Variants in CSMD2 observed in about 807,000 individuals in gnomAD.
CSMD2 encodes CUB and sushi domain-containing protein 2.
CSMD2 carries 130 observed loss-of-function variants against 398.5 expected under a neutral mutation model. The ratio of observed to expected loss-of-function variants is 0.33; its 90% CI spans 0.28 to 0.38. CSMD2 has a LOEUF of 0.38. CSMD2 is among the 10% of genes least tolerant of loss of function. The probability of loss-of-function intolerance (pLI) is 1.00; values close to 1 mark genes in which losing one functional copy is unlikely to be tolerated. For missense variants in CSMD2, 3,829 were observed against 4,764.9 expected, an observed-to-expected ratio of 0.80 and a Z score of 5.78; for synonymous variants, 1,828 against 1,908.5, an observed-to-expected ratio of 0.96 and a Z score of 1.10.
At chr1:34,106,520 T>C (rs1198176252) in intron 1 of CSMD2, among the ~76,000 whole-genome samples, 1 of 152,156 alleles carries the variant, frequency 6.6e-6, no homozygotes, top group Non-Finnish European at 1.5e-5. Context: ...ACCCAGGCTC[T>C]CAACCCTACC....
chr1:33,537,313 T>C lies in CSMD2; in HGVS notation c.9805+123A>G. 2 of 1,196,904 alleles carry C rather than the reference T, an allele frequency of 1.7e-6. No individual in the cohort carries two copies. The highest frequency in any genetic ancestry group is 2.4e-6 in the Non-Finnish European group (2 of 835,970). 74.1% of individuals were successfully genotyped at this position (1,196,904 alleles called of 1,614,324 possible). A position where few individuals can be genotyped will look rare whatever the true frequency, so the allele number is the denominator to read the frequency against. ...CATCCTGCTGCAGAAGCTCAGAGGA[T>C]GAGATGTTCCCTTTTGCAGATGAGA... On this transcript the variant is annotated intron_variant, in intron 61 of 70. Transcript: ENST00000373381. This position sits in a 1 kb window ranked among gnomAD's most constrained non-coding sequence, Gnocchi z 4.6.
chr1:33,892,332 T>C (rs1642080796), intron 5 of CSMD2, among the ~76,000 whole-genome samples: 1 of 152,194 alleles, frequency 6.6e-6, no homozygotes, highest in Non-Finnish European at 1.5e-5. Flanking sequence ...TTATTTTTCA[T>C]TTCAATAGTT....
chr1:33,771,767 G>A (rs528384510), intron 13 of CSMD2, among the ~76,000 whole-genome samples: 83 of 152,262 alleles, frequency 5.5e-4, no homozygotes, highest in African/African-American at 1.9e-3. Context: ...GCCTTTCCCT[G>A]AGAGAAGCAC....
Position 33,698,874 on chromosome 1 carries a change from A to C in CSMD2, c.3804T>G (p.His1268Gln). ...KFGYKVHDEG[H>Q]FAGSSVSFSC... Reference sequence around the variant, plus strand: ...TGAAGGACACGGAGCTCCCTGCAAAATGACCTTCATCATGAACCTTGTAGC... The same window carrying C: ...TGAAGGACACGGAGCTCCCTGCAAACTGACCTTCATCATGAACCTTGTAGC... Residue 1268 changes from histidine (H) to glutamine (Q), a missense_variant, in exon 24 of 71, where the codon CAT becomes CAG. Around this residue, in one of 5 missense-constraint regions of CSMD2, gnomAD observed 2,001 missense variants for 2,567.1 expected, o/e 0.78. Coordinates refer to ENST00000373381, the MANE Select transcript of CSMD2 (RefSeq NM_001281956.2). 1 of 1,614,192 alleles carries C rather than the reference A, an allele frequency of 6.2e-7. No homozygotes were observed. Among genetic ancestry groups the C allele is most frequent in the Non-Finnish European group, 8.5e-7 (1 of 1,180,018 alleles).
intron 10 of CSMD2, among the ~76,000 whole-genome samples, chr1:33,795,541 T>A (rs1159484217): frequency 6.6e-6 from 1 of 152,204 alleles, no homozygotes; most frequent in African/African-American, 2.4e-5. Flanking sequence ...GGGCAGCCTA[T>A]TCATGACCCT....
chr1:33,819,232 G>C lies in CSMD2; in HGVS notation c.1324+481C>G, dbSNP rs565973667. 3.3e-5 allele frequency among the ~76,000 whole-genome samples: 5 copies of C among 152,306 alleles called. No individual in the cohort carries two copies. The South Asian group carries it at 1.0e-3, about 32-fold the overall frequency. ...AGGGCCCTGGGGAACAAAACACCCA[G>C]ATAGGGGGTTAGAAGCATGTCATCA... On this transcript the variant is annotated intron_variant, in intron 9 of 70. Coordinates refer to ENST00000373381, the MANE Select transcript of CSMD2 (RefSeq NM_001281956.2).
intron 50 of CSMD2, among the ~76,000 whole-genome samples, chr1:33,572,234 C>T (rs1237448242): frequency 6.6e-6 from 1 of 152,166 alleles, no homozygotes; most frequent in Non-Finnish European, 1.5e-5. Context: ...TTCATGCAAA[C>T]TTTCTGACAG....
Position 33,766,197 on chromosome 1 carries a change from G to GT in CSMD2, c.1846+6371_1846+6372insA, listed in dbSNP as rs1491304134. ...GCAGTGTGGGCGCGCGTGTGTGTGTGGGTGTTTATGTGTGCGTCAATGTAT... is the reference window on the plus strand; with the variant it reads ...GCAGTGTGGGCGCGCGTGTGTGTGTGTGGTGTTTATGTGTGCGTCAATGTAT... On this transcript the variant is annotated intron_variant, in intron 13 of 70. Transcript: ENST00000373381. Among the ~76,000 whole-genome samples, 64 of 152,234 alleles carry GT rather than the reference G, an allele frequency of 4.2e-4. 1 individual carries two copies. The highest frequency in any genetic ancestry group is 3.4e-3 in the Middle Eastern group (1 of 294).
chr1:33,943,482 T>C (rs926991918), intron 3 of CSMD2, among the ~76,000 whole-genome samples: 3 of 152,218 alleles, frequency 2.0e-5, no homozygotes, highest in African/African-American at 7.2e-5. Context: ...CACAATGTCA[T>C]TGGCAATTGG....
chr1:33,582,643 T>A (rs1365485449), intron 47 of CSMD2, among the ~76,000 whole-genome samples: 3 of 152,180 alleles, frequency 2.0e-5, no homozygotes, highest in African/African-American at 4.8e-5. Flanking sequence ...ATCAAAGACT[T>A]CTGGATACAG....
At chr1:33,554,029 G>T (rs1233842464) in intron 55 of CSMD2, among the ~76,000 whole-genome samples, 1 of 152,044 alleles carries the variant, frequency 6.6e-6, no homozygotes, top group South Asian at 2.1e-4. Flanking sequence ...GGCTTATGAC[G>T]TTTAAGGAAA....
chr1:33,536,890 T>A (rs1422510523), intron 62 of CSMD2, 132 bp downstream of exon 62: 4 of 825,090 alleles, frequency 4.8e-6, no homozygotes, highest in Non-Finnish European at 7.9e-6. Flanking sequence ...GGCAGAGGGC[T>A]TTCTTTCTGC....
intron 6 of CSMD2, among the ~76,000 whole-genome samples, chr1:33,826,374 T>C (rs150450913): frequency 1.3e-5 from 2 of 152,204 alleles, no homozygotes; most frequent in Non-Finnish European, 1.5e-5. Context: ...GAGGCCTTGA[T>C]GTGTTCAAAG....
chr1:34,139,449 T>C (rs966390572), intron 1 of CSMD2, among the ~76,000 whole-genome samples: 2 of 152,216 alleles, frequency 1.3e-5, no homozygotes, highest in Non-Finnish European at 2.9e-5. Flanking sequence ...TAAATTCCTT[T>C]TCTTTATAAA....
intron 2 of CSMD2, among the ~76,000 whole-genome samples, chr1:34,069,282 T>C (rs1222078600): frequency 6.6e-6 from 1 of 152,212 alleles, no homozygotes; most frequent in Admixed American, 6.5e-5. Flanking sequence ...AGCAGTGTGC[T>C]GAGGTCTCTG....
intron 3 of CSMD2, among the ~76,000 whole-genome samples, chr1:33,971,319 T>C: frequency 6.6e-6 from 1 of 152,200 alleles, no homozygotes; most frequent in Non-Finnish European, 1.5e-5. Flanking sequence ...TGTGCATGGG[T>C]GAGCCAGTGT....
intron 2 of CSMD2, among the ~76,000 whole-genome samples, chr1:34,032,957 C>T (rs1288204939): frequency 6.6e-6 from 1 of 152,172 alleles, no homozygotes; most frequent in Non-Finnish European, 1.5e-5. Context: ...TTTGTGTTTC[C>T]TCTTTTCTCC....
intron 5 of CSMD2, among the ~76,000 whole-genome samples, chr1:33,904,277 T>C (rs1013828409): frequency 6.6e-6 from 1 of 152,100 alleles, no homozygotes; most frequent in Non-Finnish European, 1.5e-5. Context: ...AGCTTCCTCT[T>C]AGGAAAACAG....
At chr1:33,921,433 A>G (rs539870412) in intron 4 of CSMD2, among the ~76,000 whole-genome samples, 1 of 152,292 alleles carries the variant, frequency 6.6e-6, no homozygotes, top group South Asian at 2.1e-4. Flanking sequence ...GAGATTTGCC[A>G]ATATTGTTCC....
Sources: allele counts gnomAD v4.1 joint callset (sites outside exome capture counted in the v4.1 genomes callset), GRCh38; gene constraint gnomAD v4.1.1; regional missense constraint gnomAD v4.1.1; non-coding constraint Gnocchi (gnomAD v3.1); transcripts MANE v1.5; gene names NCBI Gene and HGNC (gene_info 2026-07-23, HGNC 2026-07-21).